The following PAX7 variants were observed in gnomAD, a reference collection of about 807,000 sequenced individuals.
The protein encoded by PAX7 is paired box 7, also known as paired box protein Pax-7.
In PAX7, 18 loss-of-function variants were observed where a neutral mutation model predicts 50.7. That is an observed-to-expected ratio of 0.36 (90% CI 0.25 to 0.53). The LOEUF is 0.53. PAX7 is among the 20% of genes least tolerant of loss of function. The pLI is 0.93. For synonymous variants in PAX7, 310 were observed against 290.4 expected (o/e 1.07, Z -0.69); for missense variants, 644 against 702.9 (o/e 0.92, Z 0.95).
At chr1:18,703,570 T>C (rs910436663) in intron 7 of PAX7, among the ~76,000 whole-genome samples, 6 of 152,204 alleles carry the variant, frequency 3.9e-5, no homozygotes, top group Admixed American at 1.3e-4. Context: ...GATTGGTCAA[T>C]GGAATTCTGT....
At chr1:18,734,285 G>A (rs1242854839) in intron 7 of PAX7, among the ~76,000 whole-genome samples, 1 of 152,158 alleles carries the variant, frequency 6.6e-6, no homozygotes, top group Admixed American at 6.5e-5. Context: ...TATCAGCAAA[G>A]CCGTCCCCAC....
chr1:18,731,308 G>A (rs887509675), intron 7 of PAX7, among the ~76,000 whole-genome samples: 1 of 152,196 alleles, frequency 6.6e-6, no homozygotes, highest in Admixed American at 6.5e-5. Context: ...CCAGCGAGGG[G>A]CATTTAGGCC....
chr1:18,637,127 A>G (rs546604555), intron 4 of PAX7, among the ~76,000 whole-genome samples: 1 of 152,252 alleles, frequency 6.6e-6, no homozygotes, highest in African/African-American at 2.4e-5. Context: ...GTCCTGCGCC[A>G]TGCTTTTTCT....
chr1:18,634,589 C>A lies in PAX7; in HGVS notation c.321+51C>A, dbSNP rs779689254. 2.0e-6 allele frequency: 3 copies of A among 1,529,456 alleles called. No homozygotes were observed. The highest frequency in any genetic ancestry group is 3.4e-5 in the Admixed American group (2 of 58,706). The allele number at this position is 1,529,456 out of a possible 1,614,324, so 94.7% of individuals were successfully genotyped here. The stretch of plus-strand genomic sequence containing the variant: ...GCAGCTGGCTTCCTATAGTCGGGGG[C>A]TCCTGGTTGTGGCCCCTCTTACTAC... On this transcript the variant is annotated intron_variant, in intron 2 of 8. Coordinates refer to ENST00000420770, the MANE Select transcript of PAX7 (RefSeq NM_001135254.2). The surrounding 1 kb of genome is among the most constrained non-coding windows in gnomAD (Gnocchi z 4.0).
intron 7 of PAX7, among the ~76,000 whole-genome samples, chr1:18,715,620 G>T (rs990887785): frequency 4.6e-5 from 7 of 152,138 alleles, no homozygotes; most frequent in African/African-American, 1.7e-4. Context: ...CAGTGCTTGG[G>T]CTCAATCCCC....
At chr1:18,689,693 T>C (rs2089039333) in intron 4 of PAX7, among the ~76,000 whole-genome samples, 1 of 152,126 alleles carries the variant, frequency 6.6e-6, no homozygotes, top group South Asian at 2.1e-4. Context: ...GCGCATGACC[T>C]CTCACACATC....
intron 7 of PAX7, among the ~76,000 whole-genome samples, chr1:18,725,359 C>A (rs2089551143): frequency 6.6e-6 from 1 of 151,772 alleles, no homozygotes; most frequent in Admixed American, 6.6e-5. Flanking sequence ...GCCCAGACGT[C>A]CTCCTTTTCC....
In PAX7 at chr1:18,747,630, AC is replaced by A. The variant is rs1570256561; in HGVS notation, c.*2702del. The A allele has an allele frequency of 1.4e-5, 3 of 210,702 alleles. No homozygotes were observed. The East Asian group carries it at 2.1e-4, about 15-fold the overall frequency. The allele number at this position is 210,702 out of a possible 1,614,324, so 13.1% of individuals were successfully genotyped here. ...TTCCAGTGGCCAGGCCGTCCCAGAA[AC>A]AACCCCCATCCATCCCTGTAAATAG... On this transcript the variant is annotated 3_prime_UTR_variant, in exon 9 of 9. Transcript: ENST00000420770.
rs182362376 is a variant in PAX7 at position 18,729,901 on chromosome 1, G to A, written c.1156-5731G>A. Among the ~76,000 whole-genome samples, 3 of 152,306 alleles carry A rather than the reference G, an allele frequency of 2.0e-5. No homozygotes were observed. In the East Asian group the frequency reaches 5.8e-4, roughly 29 times the overall value. ...GGCAGAGCAATGCTTCATTCAGAAA[G>A]AACCCACTGGGTGTTGGCCCCCATG... On this transcript the variant is annotated intron_variant, in intron 7 of 8. Transcript: ENST00000420770.
rs5772811 is a variant in PAX7, at chr1:18,653,187, A to AT, written c.586+16827dup. On this transcript the variant is annotated intron_variant, in intron 4 of 8. Coordinates refer to ENST00000420770, the MANE Select transcript of PAX7 (RefSeq NM_001135254.2). ...AATCAGGATTTGCTGGGTTTTTTTCATTTTTTTTTTTCATTTCTTTTTTTT... is the reference window on the plus strand; with the variant it reads ...AATCAGGATTTGCTGGGTTTTTTTCATTTTTTTTTTTTCATTTCTTTTTTTT... 4.0e-3 allele frequency among the ~76,000 whole-genome samples: 569 copies of AT among 143,414 alleles called. 3 individuals are homozygous for AT. The highest frequency in any genetic ancestry group is 0.011 in the African/African-American group (424 of 38,914). 94.1% of individuals were successfully genotyped at this position (143,414 alleles called of 152,430 possible).
chr1:18,639,446 G>T (rs968148684), intron 4 of PAX7, among the ~76,000 whole-genome samples: 3 of 150,752 alleles, frequency 2.0e-5, no homozygotes, highest in South Asian at 4.2e-4. Flanking sequence ...AGGATTGTTG[G>T]TGGTGAGTAT....
At chr1:18,728,583 G>A (rs930091261) in intron 7 of PAX7, among the ~76,000 whole-genome samples, 6 of 151,854 alleles carry the variant, frequency 4.0e-5, no homozygotes, top group East Asian at 1.9e-4. Context: ...TGACCTGACC[G>A]GGCGTCGTGG....
chr1:18,658,474 T>A (rs1303550247), intron 4 of PAX7, among the ~76,000 whole-genome samples: 4 of 152,170 alleles, frequency 2.6e-5, no homozygotes, highest in Non-Finnish European at 5.9e-5. Flanking sequence ...CTCTGCAGAC[T>A]TTTTCATCAA....
chr1:18,684,282 G>A (rs1003710513), intron 4 of PAX7, among the ~76,000 whole-genome samples: 1 of 152,246 alleles, frequency 6.6e-6, no homozygotes, highest in Non-Finnish European at 1.5e-5. Flanking sequence ...TGAGAGGCGT[G>A]AAGGGAGAGG....
chr1:18,673,362 A>G (rs2088780038), intron 4 of PAX7, among the ~76,000 whole-genome samples: 1 of 152,182 alleles, frequency 6.6e-6, no homozygotes, highest in Admixed American at 6.5e-5. Flanking sequence ...AAGAAGCCCA[A>G]TCCCACACGG....
chr1:18,735,896 T>C lies in PAX7; in HGVS notation c.1402+18T>C, dbSNP rs760757280. On this transcript the variant is annotated intron_variant, in intron 8 of 8. Transcript: ENST00000420770. The surrounding 1 kb of genome is among the most constrained non-coding windows in gnomAD (Gnocchi z 4.0). Reference sequence around the variant, plus strand: ...CGGCCAGAGTGAGTGCCTGGTGCCCTGGGCGTCCCCCGTCCCCATTCCTTC... The same window carrying C: ...CGGCCAGAGTGAGTGCCTGGTGCCCCGGGCGTCCCCCGTCCCCATTCCTTC... 3 of 1,614,102 alleles carry C rather than the reference T, an allele frequency of 1.9e-6. No individual in the cohort carries two copies. The highest frequency in any genetic ancestry group is 2.7e-5 in the African/African-American group (2 of 75,058).
At chr1:18,741,608 G>A (rs1010618123) in intron 8 of PAX7, among the ~76,000 whole-genome samples, 1 of 152,196 alleles carries the variant, frequency 6.6e-6, no homozygotes, top group African/African-American at 2.4e-5. Context: ...TGTATCAATT[G>A]TTTAAAAAGA....
At chr1:18,679,618 C>A (rs1252182358) in intron 4 of PAX7, among the ~76,000 whole-genome samples, 1 of 152,206 alleles carries the variant, frequency 6.6e-6, no homozygotes, top group Non-Finnish European at 1.5e-5. Flanking sequence ...AGCTGAATCA[C>A]TTACCTGAGA....
chr1:18,735,563 T>C lies in PAX7; in HGVS notation c.1156-69T>C, dbSNP rs556368158. 153 of 1,551,334 alleles carry C rather than the reference T, an allele frequency of 9.9e-5. No homozygotes were observed. In the African/African-American group the frequency reaches 1.8e-3, roughly 18 times the overall value. ...GAGTGTTCCAGGGCCAGCCTGGCAT[T>C]GTGCCCAGTGTGCTCGTGTCTCTGG... On this transcript the variant is annotated intron_variant, in intron 7 of 8. Coordinates refer to ENST00000420770, the MANE Select transcript of PAX7 (RefSeq NM_001135254.2). This position sits in a 1 kb window ranked among gnomAD's most constrained non-coding sequence, Gnocchi z 4.0.
Sources: gnomAD v4.1 joint callset for allele counts (sites outside exome capture counted in the v4.1 genomes callset) on GRCh38, gnomAD v4.1.1 for gene constraint, Gnocchi (gnomAD v3.1) non-coding constraint, MANE v1.5 for transcripts, NCBI Gene and HGNC (gene_info 2026-07-23, HGNC 2026-07-21) for gene names.